Variants in POLR2B observed in about 807,000 individuals in gnomAD.
The protein encoded by POLR2B is DNA-directed RNA polymerase II subunit RPB2.
Under a neutral mutation model 144.6 loss-of-function variants are expected in POLR2B, and 57 were observed. That is an observed-to-expected ratio of 0.39 (90% CI 0.32 to 0.49). The LOEUF is 0.49. POLR2B is among the 20% of genes least tolerant of loss of function. The pLI is 0.83. For missense variants in POLR2B, 595 were observed against 1,467.4 expected, an observed-to-expected ratio of 0.41 and a Z score of 9.71; for synonymous variants, 442 against 469.8, an observed-to-expected ratio of 0.94 and a Z score of 0.77.
chr4:57,011,016 C>T lies in POLR2B; in HGVS notation c.1716C>T (p.Cys572=). The part of the protein sequence containing the change: ...ADATKIFVNG[C]WVGIHKDPEQ... ...CAACCAAGATTTTTGTTAATGGCTG[C>T]TGGGTTGGAATACATAAAGATCCCG... Residue 572 remains cysteine, a synonymous_variant, in exon 13 of 25, where the codon TGC becomes TGT. Transcript: ENST00000314595. The T allele has an allele frequency of 1.2e-6, 2 of 1,613,828 alleles. No homozygotes were observed. Among genetic ancestry groups the T allele is most frequent in the Non-Finnish European group, 1.7e-6 (2 of 1,179,904 alleles).
At chr4:56,994,951 G>A (rs1713951) in intron 5 of POLR2B, 85 bp downstream of exon 5, 776,701 of 870,736 alleles carry the variant, frequency 0.89, 347,264 homozygotes, top group East Asian at 0.98. Context: ...AAAAAAGAAA[G>A]AAAGATTTTC....
chr4:56,982,579 A>G (rs972690644), intron 1 of POLR2B, among the ~76,000 whole-genome samples: 2 of 152,080 alleles, frequency 1.3e-5, no homozygotes, highest in African/African-American at 4.8e-5. Flanking sequence ...TCAAAAAACA[A>G]AAAAGAGAAT....
At position 56,979,896 on chromosome 4, in the gene POLR2B, CAAA is replaced by C. The variant is rs61576956; in HGVS notation, c.19+908_19+910del. 3.6e-3 allele frequency among the ~76,000 whole-genome samples: 491 copies of C among 137,202 alleles called. 2 individuals are homozygous for C. Among genetic ancestry groups the C allele is most frequent in the African/African-American group, 0.011 (386 of 36,392 alleles). The allele number at this position is 137,202 out of a possible 152,430, so 90.0% of individuals were successfully genotyped here. A position where few individuals can be genotyped will look rare whatever the true frequency, so the allele number is the denominator to read the frequency against. Reference sequence around the variant, plus strand: ...CCTGAGTGACAGAGTTAGACTGTCTCAAAAAAAAAAAAAAAAAATTCTTAGTTG... The same window carrying C: ...CCTGAGTGACAGAGTTAGACTGTCTCAAAAAAAAAAAAAAATTCTTAGTTG... On this transcript the variant is annotated intron_variant, in intron 1 of 24. Transcript: ENST00000314595.
At chr4:56,997,259 G>GTT (rs57054646) in intron 6 of POLR2B, among the ~76,000 whole-genome samples, 38 of 142,170 alleles carry the variant, frequency 2.7e-4, no homozygotes, top group Admixed American at 4.2e-4. Flanking sequence ...TCCATGCAAA[G>GTT]TTTTTTTTTT....
At chr4:56,986,884 A>G (rs1578556574) in intron 2 of POLR2B, 1 of 152,304 alleles carries the variant, frequency 6.6e-6, no homozygotes, top group Admixed American at 6.6e-5. Flanking sequence ...GACCTTACCC[A>G]CATTTTGCCA....
chr4:56,998,533 A>T (rs934659294), intron 6 of POLR2B, among the ~76,000 whole-genome samples: 1 of 151,828 alleles, frequency 6.6e-6, no homozygotes, highest in African/African-American at 2.4e-5. Flanking sequence ...AATTTTAAAA[A>T]TATTTATAGA....
intron 1 of POLR2B, among the ~76,000 whole-genome samples, chr4:56,980,453 G>C (rs1455087743): frequency 1.3e-5 from 2 of 152,158 alleles, no homozygotes; most frequent in Non-Finnish European, 2.9e-5. Flanking sequence ...CTGGTGCAGT[G>C]GCTCACGCCT....
chr4:57,025,622 G>A, intron 23 of POLR2B, 85 bp downstream of exon 23: 1 of 841,458 alleles, frequency 1.2e-6, no homozygotes, highest in East Asian at 2.6e-5. Context: ...TAGTGGTATA[G>A]TGAATGCCTG....
Position 56,984,773 on chromosome 4 carries a change from A to G in POLR2B, c.20-1581A>G, listed in dbSNP as rs559480121. 2.0e-5 allele frequency among the ~76,000 whole-genome samples: 3 copies of G among 152,342 alleles called. No homozygotes were observed. In the South Asian group the frequency reaches 6.2e-4, roughly 32 times the overall value. On this transcript the variant is annotated intron_variant, in intron 1 of 24. Transcript: ENST00000314595. Reference sequence around the variant, plus strand: ...AGATCTCCTGAATTTCATAGGCTATATATGTGTACATTAGAATAAAAGCCA... The same window carrying G: ...AGATCTCCTGAATTTCATAGGCTATGTATGTGTACATTAGAATAAAAGCCA...
rs996769717 is a variant in POLR2B at position 57,010,972 on chromosome 4, T to C, written c.1689-17T>C. On this transcript the variant is annotated splice_polypyrimidine_tract_variant and intron_variant, in intron 12 of 24. Coordinates refer to ENST00000314595, the MANE Select transcript of POLR2B (RefSeq NM_000938.3). ...TAGAATTGTTAAGTGTAAAATGCTT[T>C]TGCTTTTTCATTGTAGTGCAACCAA... The C allele has an allele frequency of 6.2e-7, 1 of 1,607,248 alleles. No homozygotes were observed. Among genetic ancestry groups the C allele is most frequent in the Non-Finnish European group, 8.5e-7 (1 of 1,173,712 alleles).
At chr4:56,991,872 G>A (rs1442476716) in intron 3 of POLR2B, among the ~76,000 whole-genome samples, 1 of 151,984 alleles carries the variant, frequency 6.6e-6, no homozygotes. Context: ...TGGCCAGGCC[G>A]ATCTCCAACT....
At chr4:56,983,219 C>T (rs1479180364) in intron 1 of POLR2B, among the ~76,000 whole-genome samples, 1 of 152,172 alleles carries the variant, frequency 6.6e-6, no homozygotes, top group Non-Finnish European at 1.5e-5. Flanking sequence ...GGCCTTCTAT[C>T]ATTCTTTGAA....
chr4:57,000,945 C>T (rs923188553), intron 7 of POLR2B, among the ~76,000 whole-genome samples: 19 of 151,948 alleles, frequency 1.3e-4, no homozygotes, highest in African/African-American at 4.6e-4. Context: ...ATCTGCCCAC[C>T]TCGGCCTCCC....
intron 7 of POLR2B, among the ~76,000 whole-genome samples, chr4:57,003,978 A>T (rs928387160): frequency 6.7e-6 from 1 of 148,326 alleles, no homozygotes; most frequent in Middle Eastern, 3.2e-3. Context: ...AAAATAAATA[A>T]CTGTCTCCTT....
In POLR2B at chr4:57,017,353, TAAC is replaced by T; in HGVS notation, c.2154+113_2154+115del. 1.2e-6 allele frequency: 1 copy of T among 842,408 alleles called. No individual in the cohort carries two copies. The highest frequency in any genetic ancestry group is 1.9e-6 in the Non-Finnish European group (1 of 522,832). The allele number at this position is 842,408 out of a possible 1,614,324, so 52.2% of individuals were successfully genotyped here. ...AAAAGCCTTTTAATGAAAAGGCTAT[TAAC>T]TCCTACGGAATCAGTATTTGATATA... On this transcript the variant is annotated intron_variant, in intron 15 of 24. Transcript: ENST00000314595. This position sits in a 1 kb window ranked among gnomAD's most constrained non-coding sequence, Gnocchi z 4.8.
At chr4:57,001,793 A>C (rs1343364251) in intron 7 of POLR2B, among the ~76,000 whole-genome samples, 2 of 152,040 alleles carry the variant, frequency 1.3e-5, no homozygotes, top group African/African-American at 4.8e-5. Flanking sequence ...TTCCTTATAA[A>C]TTTTTTCCAT....
chr4:57,007,984 T>G (rs1329632582), intron 10 of POLR2B, among the ~76,000 whole-genome samples: 1 of 152,206 alleles, frequency 6.6e-6, no homozygotes, highest in African/African-American at 2.4e-5. Context: ...GGGCTACTGA[T>G]AGCAAAGTTA....
In POLR2B at chr4:57,023,751, G is replaced by A; in HGVS notation, c.2856G>A (p.Glu952=). 6.4e-7 allele frequency: 1 copy of A among 1,566,578 alleles called. No individual in the cohort carries two copies. The highest frequency in any genetic ancestry group is 1.7e-4 in the Middle Eastern group (1 of 5,794). The change falls in exon 20 of 25, where the codon GAG becomes GAA. Residue 952 remains glutamate (E), a splice_region_variant and synonymous_variant. Coordinates refer to ENST00000314595, the MANE Select transcript of POLR2B (RefSeq NM_000938.3). The surrounding 1 kb of genome is among the most constrained non-coding windows in gnomAD (Gnocchi z 4.3). ...CTTGTGGTATTCAGTATAGACAAGA[G>A]GTAGGTATCTTTGATCTCCCTCATG... ...KGTCGIQYRQ[E]DMPFTCEGIT... is the part of the protein sequence containing the mutation.
At chr4:57,030,017 A>G (rs1319584931) in intron 23 of POLR2B, among the ~76,000 whole-genome samples, 187 bp from the exon 24 acceptor site, 1 of 152,066 alleles carries the variant, frequency 6.6e-6, no homozygotes, top group Non-Finnish European at 1.5e-5. Flanking sequence ...CCATTTGGGG[A>G]CTTTCTAATG....
Sources: gnomAD v4.1 joint callset for allele counts (sites outside exome capture counted in the v4.1 genomes callset) on GRCh38, gnomAD v4.1.1 for gene constraint, Gnocchi (gnomAD v3.1) non-coding constraint, MANE v1.5 for transcripts, NCBI Gene and HGNC (gene_info 2026-07-23, HGNC 2026-07-21) for gene names.